CSMD1: variants seen among roughly 807,000 people sequenced by gnomAD.
CSMD1 encodes the protein CUB and Sushi multiple domains 1, also known as CUB and sushi domain-containing protein 1.
In CSMD1, 213 loss-of-function variants were observed where a neutral mutation model predicts 417.5. The ratio of observed to expected loss-of-function variants is 0.51; its 90% CI spans 0.46 to 0.57. The LOEUF is 0.57. Among genes scored for constraint, CSMD1 ranks in the 20% least tolerant of loss-of-function variants. The pLI is 0.00. For missense variants in CSMD1, 6,923 were observed against 4,529.7 expected, an observed-to-expected ratio of 1.53 and a Z score of -15.17; for synonymous variants, 2,862 against 1,736.8, an observed-to-expected ratio of 1.65 and a Z score of -16.11.
chr8:3,972,402 G>C (rs1585056568), intron 5 of CSMD1, among the ~76,000 whole-genome samples: 1 of 152,058 alleles, frequency 6.6e-6, no homozygotes, highest in South Asian at 2.1e-4. Flanking sequence ...AAGTATATTA[G>C]AAAGTCAAGT....
At chr8:4,197,115 C>A (rs1046350476) in intron 3 of CSMD1, among the ~76,000 whole-genome samples, 1 of 152,144 alleles carries the variant, frequency 6.6e-6, no homozygotes, top group Non-Finnish European at 1.5e-5. Flanking sequence ...CAAAGTGTGT[C>A]CTCAAGCAGT....
intron 3 of CSMD1, among the ~76,000 whole-genome samples, chr8:4,112,212 C>G (rs6558850): frequency 0.99 from 150,580 of 152,188 alleles, 74,522 homozygotes; most frequent in East Asian, 1. Context: ...CCAGTAACAC[C>G]TCTTTCAGGG....
At chr8:3,693,998 T>C (rs113330423) in intron 7 of CSMD1, among the ~76,000 whole-genome samples, 1 of 151,252 alleles carries the variant, frequency 6.6e-6, no homozygotes, top group Non-Finnish European at 1.5e-5. Flanking sequence ...AGTGTGTGTG[T>C]GTTGTGTGTG....
chr8:3,246,603 C>G (rs1339477450), intron 26 of CSMD1, among the ~76,000 whole-genome samples: 6 of 152,162 alleles, frequency 3.9e-5, no homozygotes, highest in South Asian at 4.1e-4. Context: ...TCCTGAGTAG[C>G]TGGGATTACA....
At chr8:3,046,068 C>T (rs1466320514) in intron 50 of CSMD1, among the ~76,000 whole-genome samples, 1 of 152,140 alleles carries the variant, frequency 6.6e-6, no homozygotes, top group East Asian at 1.9e-4. Flanking sequence ...GAGAAAGGAG[C>T]TCAAAATAAA....
intron 3 of CSMD1, among the ~76,000 whole-genome samples, chr8:4,116,264 G>C (rs913260549): frequency 3.3e-5 from 5 of 151,896 alleles, no homozygotes; most frequent in African/African-American, 9.7e-5. Context: ...ACAGTGCTGG[G>C]ATTACAAGTG....
rs902824387 is a variant in CSMD1 at position 3,997,913 on chromosome 8, G to C, written c.808C>G (p.Pro270Ala). 9 of 1,611,788 alleles carry C rather than the reference G, an allele frequency of 5.6e-6. No individual in the cohort carries two copies. The highest frequency in any genetic ancestry group is 3.3e-4 in the Middle Eastern group (2 of 6,084). Residue 270 changes from proline (P) to alanine (A), a missense_variant, in exon 5 of 70, where the codon CCA (proline) becomes GCA (alanine). By Grantham distance (27) the Pro-to-Ala change is conservative. Coordinates refer to ENST00000635120, the MANE Select transcript of CSMD1 (RefSeq NM_033225.6). ...DFLEISGTEA[P>A]SIWLTGMNLP... Reference sequence around the variant, plus strand: ...CTTCCCGGGACTTACCATATGGATGGAGCTTCCGTGCCACTGATCTCTAAG... The same window carrying C: ...CTTCCCGGGACTTACCATATGGATGCAGCTTCCGTGCCACTGATCTCTAAG...
chr8:4,403,912 A>G (rs1440699495), intron 3 of CSMD1, among the ~76,000 whole-genome samples: 1 of 152,172 alleles, frequency 6.6e-6, no homozygotes, highest in Non-Finnish European at 1.5e-5. Flanking sequence ...CCACACCCGC[A>G]TTAACTCCAA....
rs1044329248 is a variant in CSMD1, at chr8:3,157,904, C to T, written c.5907G>A (p.Leu1969=). The T allele has an allele frequency of 5.1e-6, 8 of 1,553,706 alleles. No individual in the cohort carries two copies. In the Admixed American group the frequency reaches 1.4e-4, roughly 27 times the overall value. ...CAGAAGGTGCATCCTTACCAATGCA[C>T]AGGGGAGACGGATAGTTCCAACGGC... ...TVRRWNYPSP[L]CIATCGGTLS... The change falls in exon 39 of 70, where the codon CTG becomes CTA. Residue 1969 remains leucine, a synonymous_variant. Transcript: ENST00000635120.
chr8:2,938,779 G>A (rs1175806714), intron 69 of CSMD1, 35 bp from the exon 70 acceptor site: 16 of 1,559,636 alleles, frequency 1.0e-5, no homozygotes, highest in Admixed American at 3.8e-5. Context: ...TTAGAATCCT[G>A]GTTTCATTTG....
At chr8:4,572,181 C>A (rs563634636) in intron 2 of CSMD1, among the ~76,000 whole-genome samples, 3 of 152,286 alleles carry the variant, frequency 2.0e-5, no homozygotes, top group African/African-American at 4.8e-5. Context: ...GGTTATTTTG[C>A]ACAATAGTTG....
chr8:4,524,254 A>G (rs1222617597), intron 2 of CSMD1, among the ~76,000 whole-genome samples: 4 of 136,558 alleles, frequency 2.9e-5, no homozygotes, highest in Non-Finnish European at 6.7e-5. Flanking sequence ...ACAACACTCA[A>G]AAAAAAAAAA....
At chr8:3,373,787 T>A (rs1356144432) in intron 18 of CSMD1, 1 of 152,160 alleles carries the variant, frequency 6.6e-6, no homozygotes, top group Non-Finnish European at 1.5e-5. Context: ...ATTTCTTGAA[T>A]TTTACTTTTC....
chr8:4,360,491 T>C (rs34042748), intron 3 of CSMD1, among the ~76,000 whole-genome samples: 59,768 of 151,986 alleles, frequency 0.39, 13,331 homozygotes, highest in African/African-American at 0.62. Flanking sequence ...ATACTTCCTG[T>C]TCCTCCCAGG....
chr8:3,875,937 G>C (rs58002999), intron 5 of CSMD1, among the ~76,000 whole-genome samples: 1 of 152,174 alleles, frequency 6.6e-6, no homozygotes, highest in Non-Finnish European at 1.5e-5. Context: ...TCAATGGGAA[G>C]CTCGGAGGCA....
chr8:4,255,034 T>C (rs528395094), intron 3 of CSMD1, among the ~76,000 whole-genome samples: 11 of 152,302 alleles, frequency 7.2e-5, no homozygotes, highest in East Asian at 1.9e-4. Context: ...CCTCGTACCA[T>C]AGAGGAGTTG....
At position 3,206,682 on chromosome 8, in the gene CSMD1, G is replaced by A. The variant is rs567658623; in HGVS notation, c.4868-1062C>T. Among the ~76,000 whole-genome samples, 312 of 146,434 alleles carry A rather than the reference G, an allele frequency of 2.1e-3. 6 individuals are homozygous for A. The highest frequency in any genetic ancestry group is 1.2e-3 in the Non-Finnish European group (79 of 66,490). On this transcript the variant is annotated intron_variant, in intron 30 of 69. Coordinates refer to ENST00000635120, the MANE Select transcript of CSMD1 (RefSeq NM_033225.6). The stretch of plus-strand genomic sequence containing the variant: ...TGTGGGGGTATGTCTGTGTGTGTGT[G>A]TATATGTGTGTGTGGGGGGTTATGT...
chr8:4,235,100 G>C (rs1212076497), intron 3 of CSMD1, among the ~76,000 whole-genome samples: 3 of 152,104 alleles, frequency 2.0e-5, no homozygotes, highest in African/African-American at 7.2e-5. Context: ...TTCAAGAATA[G>C]AAAAATTATG....
At chr8:3,661,418 G>A (rs890987245) in intron 7 of CSMD1, among the ~76,000 whole-genome samples, 1 of 152,128 alleles carries the variant, frequency 6.6e-6, no homozygotes, top group Non-Finnish European at 1.5e-5. Context: ...TCCACCACGT[G>A]GCTGTGCTGA....
Sources: gnomAD v4.1 joint callset for allele counts (sites outside exome capture counted in the v4.1 genomes callset) on GRCh38, gnomAD v4.1.1 for gene constraint, MANE v1.5 for transcripts, NCBI Gene and HGNC (gene_info 2026-07-23, HGNC 2026-07-21) for gene names.